STRADA: variants seen among roughly 807,000 people sequenced by gnomAD.
STRADA encodes STE20 related adaptor alpha.
STRADA carries 26 observed loss-of-function variants against 55.0 expected under a neutral mutation model. The ratio of observed to expected loss-of-function variants is 0.47; its 90% CI spans 0.35 to 0.66. The LOEUF is 0.66. Among genes scored for constraint, STRADA ranks in the 30% least tolerant of loss-of-function variants. The pLI is 0.01. For synonymous variants in STRADA, 197 were observed against 210.9 expected, an observed-to-expected ratio of 0.93 and a Z score of 0.57; for missense variants, 443 against 549.7, an observed-to-expected ratio of 0.81 and a Z score of 1.94.
At chr17:63,726,928 AATAG>A (rs1331988275) in intron 2 of STRADA, 15 of 575,124 alleles carry the variant, frequency 2.6e-5, no homozygotes, top group African/African-American at 7.6e-5. Context: ...ACAGATGAGA[AATAG>A]ATAGTACTGG....
intron 8 of STRADA, 146 bp from the exon 9 acceptor site, chr17:63,707,564 T>C: frequency 1.3e-6 from 1 of 748,974 alleles, no homozygotes; most frequent in Non-Finnish European, 2.1e-6. Flanking sequence ...CATAACCATG[T>C]TTTTGTTTTC....
rs1205782953 is a variant in STRADA, at chr17:63,706,659, G to A, written c.834C>T (p.Pro278=). 1 of 1,613,744 alleles carries A rather than the reference G, an allele frequency of 6.2e-7. No individual in the cohort carries two copies. Among genetic ancestry groups the A allele is most frequent in the African/African-American group, 1.3e-5 (1 of 74,936 alleles). ...CCTGGGTGGCAGGCATATCCTTAAA[G>A]GGGACATGGCCGTTGGCCAGTTCAC... ...TACELANGHV[P]FKDMPATQML... is the part of the protein sequence containing the mutation. Residue 278 remains proline, a synonymous_variant, in exon 10 of 13, where the codon CCC becomes CCT. Coordinates refer to ENST00000336174, the MANE Select transcript of STRADA (RefSeq NM_001003787.4).
chr17:63,738,444 C>A (rs1341263341), intron 1 of STRADA, among the ~76,000 whole-genome samples: 3 of 151,946 alleles, frequency 2.0e-5, no homozygotes, highest in African/African-American at 7.2e-5. Flanking sequence ...CCTTTACTCT[C>A]TTGGAAAAAT....
At position 63,718,432 on chromosome 17, in the gene STRADA, G is replaced by A. The variant is rs889645588; in HGVS notation, c.124-4324C>T. 2.6e-5 allele frequency among the ~76,000 whole-genome samples: 4 copies of A among 152,186 alleles called. 1 individual carries two copies. Among genetic ancestry groups the A allele is most frequent in the African/African-American group, 7.2e-5 (3 of 41,442 alleles). ...GAATTCACAACGCTCATTTGGTCTT[G>A]AAGTGTCTCATTTTCTCAACCTTAT... On this transcript the variant is annotated intron_variant, in intron 4 of 12. Coordinates refer to ENST00000336174, the MANE Select transcript of STRADA (RefSeq NM_001003787.4).
intron 3 of STRADA, 192 bp from the exon 4 acceptor site, chr17:63,723,518 G>C (rs909232471): frequency 4.8e-6 from 3 of 618,686 alleles, no homozygotes; most frequent in African/African-American, 3.7e-5. Context: ...CAGAGAGATA[G>C]GGCTTTAAAC....
chr17:63,710,245 G>A, intron 8 of STRADA: 1 of 430,868 alleles, frequency 2.3e-6, no homozygotes, highest in Non-Finnish European at 4.2e-6. Context: ...CACTATGTTG[G>A]CCAGGCTGGT....
At chr17:63,713,867 C>T (rs545681702) in intron 5 of STRADA, 139 bp downstream of exon 5, 3 of 733,748 alleles carry the variant, frequency 4.1e-6, no homozygotes, top group Non-Finnish European at 6.9e-6. Context: ...ACAGAGAAGA[C>T]CCACAGAAGC....
chr17:63,739,223 C>T (rs897970323), intron 1 of STRADA, among the ~76,000 whole-genome samples: 3 of 151,358 alleles, frequency 2.0e-5, no homozygotes, highest in Non-Finnish European at 4.4e-5. Flanking sequence ...TTCTTTATAG[C>T]CCCCTATACA....
chr17:63,703,737 G>A lies in STRADA; in HGVS notation c.1158C>T (p.Ala386=). The A allele has an allele frequency of 6.2e-7, 1 of 1,614,174 alleles. No individual in the cohort carries two copies. The highest frequency in any genetic ancestry group is 8.5e-7 in the Non-Finnish European group (1 of 1,180,004). The change falls in exon 13 of 13, where the codon GCC becomes GCT. Residue 386 remains alanine (A), a synonymous_variant. Coordinates refer to ENST00000336174, the MANE Select transcript of STRADA (RefSeq NM_001003787.4). ...HSFFKQIKRR[A]SEALPELLRP... Reference sequence around the variant, plus strand: ...GAAGCAATTCGGGCAAAGCCTCTGAGGCACGTCGCTTGATCTGGGGGAGAA... The same window carrying A: ...GAAGCAATTCGGGCAAAGCCTCTGAAGCACGTCGCTTGATCTGGGGGAGAA...
At chr17:63,733,355 C>CTTT (rs10632580) in intron 1 of STRADA, among the ~76,000 whole-genome samples, 58 of 150,970 alleles carry the variant, frequency 3.8e-4, no homozygotes, top group Non-Finnish European at 5.6e-4. Context: ...AGAATACAAT[C>CTTT]TTTTTTTTTT....
intron 1 of STRADA, among the ~76,000 whole-genome samples, chr17:63,736,951 A>T (rs1213941446): frequency 6.6e-6 from 1 of 151,392 alleles, no homozygotes; most frequent in East Asian, 1.9e-4. Flanking sequence ...AATGTGTTAC[A>T]ATTTTTAGAT....
chr17:63,728,342 G>A lies in STRADA; in HGVS notation c.28C>T (p.Arg10Ter), dbSNP rs1387899682. 5.0e-6 allele frequency: 8 copies of A among 1,612,874 alleles called. No homozygotes were observed. In the Admixed American group the frequency reaches 8.4e-5, roughly 17 times the overall value. The change falls in exon 2 of 13, where the codon CGA becomes TGA. Residue 10 changes from arginine to a stop codon, truncating the protein, a stop_gained. Coordinates refer to ENST00000336174, the MANE Select transcript of STRADA (RefSeq NM_001003787.4). LOFTEE classifies it high-confidence loss of function. MSFLVSKPE[R>*]IRRWVSEKFI... ...AATAGAAAAACACTCACCCTGATTC[G>A]CTCTGGTTTACTTACAAGAAATGAC...
intron 8 of STRADA, among the ~76,000 whole-genome samples, chr17:63,708,140 C>T (rs536278988): frequency 2.6e-5 from 4 of 152,322 alleles, no homozygotes; most frequent in African/African-American, 9.6e-5. Context: ...TTTGGCCTCC[C>T]AAAGTGCTGG....
intron 11 of STRADA, 86 bp from the exon 12 acceptor site, chr17:63,704,133 G>A: frequency 6.4e-7 from 1 of 1,564,360 alleles, no homozygotes; most frequent in Non-Finnish European, 8.6e-7. Flanking sequence ...TCAGCCTCGG[G>A]TCCCCTCTCC....
chr17:63,738,905 A>G (rs1212352718), intron 1 of STRADA, among the ~76,000 whole-genome samples: 1 of 151,926 alleles, frequency 6.6e-6, no homozygotes, highest in Non-Finnish European at 1.5e-5. Context: ...TAATCCCAGC[A>G]CTTTGGGAGG....
intron 4 of STRADA, among the ~76,000 whole-genome samples, chr17:63,722,612 A>G (rs1366014469): frequency 6.6e-6 from 1 of 152,226 alleles, no homozygotes; most frequent in African/African-American, 2.4e-5. Flanking sequence ...GCTGCTGCAG[A>G]AGCTGCAAAT....
intron 1 of STRADA, among the ~76,000 whole-genome samples, chr17:63,739,764 G>GTATATGTGTACATATAT (rs1555711939): frequency 1.8e-5 from 2 of 112,408 alleles, no homozygotes; most frequent in African/African-American, 7.8e-5. Context: ...ATATATTTAT[G>GTATATGTGTACATATAT]TATATATGTA....
At chr17:63,731,344 C>T (rs2038042323) in intron 1 of STRADA, among the ~76,000 whole-genome samples, 1 of 149,288 alleles carries the variant, frequency 6.7e-6, no homozygotes, top group South Asian at 2.1e-4. Context: ...CTCACTGCAA[C>T]CTCCGCCTCC....
At chr17:63,706,942 C>T (rs1327716573) in intron 9 of STRADA, among the ~76,000 whole-genome samples, 3 of 152,200 alleles carry the variant, frequency 2.0e-5, no homozygotes, top group African/African-American at 7.2e-5. Flanking sequence ...AAGTGCCAGC[C>T]CCATGCCCCT....
Sources: gnomAD v4.1 joint callset for allele counts (sites outside exome capture counted in the v4.1 genomes callset) on GRCh38, gnomAD v4.1.1 for gene constraint, MANE v1.5 for transcripts, NCBI Gene and HGNC (gene_info 2026-07-23, HGNC 2026-07-21) for gene names.